The following PFKP variants were observed in gnomAD, a reference collection of about 807,000 sequenced individuals.
The protein encoded by PFKP is ATP-dependent 6-phosphofructokinase, platelet type.
PFKP carries 101 observed loss-of-function variants against 94.3 expected under a neutral mutation model. The ratio of observed to expected loss-of-function variants is 1.07; its 90% CI spans 0.91 to 1.26. PFKP has a LOEUF of 1.26. PFKP is among the 50% of genes most tolerant of loss of function. PFKP has a pLI of 0.00. For synonymous variants in PFKP, 573 were observed against 432.6 expected, an observed-to-expected ratio of 1.32 and a Z score of -4.03; for missense variants, 1,145 against 1,103.3, an observed-to-expected ratio of 1.04 and a Z score of -0.53.
intron 2 of PFKP, among the ~76,000 whole-genome samples, chr10:3,097,142 C>T (rs1462055244): frequency 6.7e-6 from 1 of 150,356 alleles, no homozygotes; most frequent in Non-Finnish European, 1.5e-5. Flanking sequence ...ACTGCAACCC[C>T]AAGGCTAGGT....
intron 16 of PFKP, chr10:3,125,373 T>G (rs1837841707): frequency 1.4e-6 from 1 of 718,316 alleles, no homozygotes; most frequent in Non-Finnish European, 1.9e-6. Context: ...CTTGGCTTTA[T>G]GTCACACTGG....
In PFKP at chr10:3,103,901, A is replaced by G; in HGVS notation, c.577A>G (p.Arg193Gly). Residue 193 changes from arginine to glycine, a missense_variant, in exon 5 of 22, where the codon AGG becomes GGG. Around this residue, in one of 3 missense-constraint regions of PFKP, gnomAD observed 1,119 missense variants for 1,062.8 expected, o/e 1.05. Coordinates refer to ENST00000381125, the MANE Select transcript of PFKP (RefSeq NM_002627.5). Reference sequence around the variant, plus strand: ...CATCGGCACGGACTCCGCCCTGCACAGGATCATCGAGGTCGTCGACGCCAT... The same window carrying G: ...CATCGGCACGGACTCCGCCCTGCACGGGATCATCGAGGTCGTCGACGCCAT... The part of the protein sequence containing the change: ...MTIGTDSALH[R>G]IIEVVDAIMT... 6.2e-7 allele frequency: 1 copy of G among 1,613,906 alleles called. No individual in the cohort carries two copies. Among genetic ancestry groups the G allele is most frequent in the East Asian group, 2.2e-5 (1 of 44,862 alleles).
In PFKP at chr10:3,133,248, G is replaced by A; in HGVS notation, c.1956G>A (p.Gln652=). ...SENYTTDFIY[Q]LYSEEGKGVF... ...ACTACACCACCGACTTCATTTACCA[G>A]CTGTATTCAGAAGAGGGCAAAGGCG... Residue 652 remains glutamine, a synonymous_variant, in exon 19 of 22, where the codon CAG becomes CAA. Transcript: ENST00000381125. The A allele has an allele frequency of 1.2e-6, 2 of 1,614,104 alleles. No homozygotes were observed.
chr10:3,118,619 C>T (rs1301240054), intron 14 of PFKP, among the ~76,000 whole-genome samples, 163 bp from the exon 15 acceptor site: 14 of 152,232 alleles, frequency 9.2e-5, no homozygotes, highest in Admixed American at 9.2e-4. Flanking sequence ...GGTCATTCTG[C>T]CATCTGCCAG....
chr10:3,136,411 G>C (rs1839354321), intron 21 of PFKP, 39 bp from the exon 22 acceptor site: 2 of 1,606,226 alleles, frequency 1.2e-6, no homozygotes, highest in African/African-American at 1.3e-5. Context: ...TCCCGCCAGT[G>C]ACTGCAGGCC....
intron 1 of PFKP, among the ~76,000 whole-genome samples, chr10:3,078,036 C>A (rs1832751486): frequency 6.6e-6 from 1 of 152,192 alleles, no homozygotes; most frequent in Admixed American, 6.5e-5. Context: ...GCTCCCAAAA[C>A]CAAAACAAAA....
chr10:3,093,005 C>T (rs1422373511), intron 2 of PFKP, among the ~76,000 whole-genome samples: 1 of 135,554 alleles, frequency 7.4e-6, no homozygotes, highest in East Asian at 2.1e-4. Flanking sequence ...GCCTGAGCTC[C>T]TGCTCCTGGG....
chr10:3,075,213 T>G (rs991996925), intron 1 of PFKP, among the ~76,000 whole-genome samples: 1 of 152,148 alleles, frequency 6.6e-6, no homozygotes, highest in Non-Finnish European at 1.5e-5. Context: ...ACCCACAACC[T>G]TCCAGCCTGG....
intron 1 of PFKP, among the ~76,000 whole-genome samples, chr10:3,081,653 G>A (rs951212258): frequency 6.6e-6 from 1 of 152,190 alleles, no homozygotes; most frequent in African/African-American, 2.4e-5. Context: ...AGACACTAGT[G>A]GCTTCAGCTC....
chr10:3,116,908 G>GGA lies in PFKP; in HGVS notation c.1442+67_1442+68dup. The GGA allele has an allele frequency of 2.3e-6, 3 of 1,303,328 alleles. No individual in the cohort carries two copies. The Admixed American group carries it at 5.0e-5, about 22-fold the overall frequency. The allele number at this position is 1,303,328 out of a possible 1,614,324, so 80.7% of individuals were successfully genotyped here. On this transcript the variant is annotated intron_variant, in intron 14 of 21. Coordinates refer to ENST00000381125, the MANE Select transcript of PFKP (RefSeq NM_002627.5). ...AGGAAGAAGGAAGAGCCGTGTTCTG[G>GGA]GAGAGAATCGCTGGGTGCCGACGCC...
intron 14 of PFKP, among the ~76,000 whole-genome samples, chr10:3,118,325 G>T (rs766537142): frequency 6.6e-6 from 1 of 152,046 alleles, no homozygotes; most frequent in East Asian, 1.9e-4. Context: ...AAAATTAGCC[G>T]GGCGTGGTGG....
At chr10:3,112,545 C>T (rs1836354292) in intron 11 of PFKP, among the ~76,000 whole-genome samples, 1 of 152,188 alleles carries the variant, frequency 6.6e-6, no homozygotes, top group African/African-American at 2.4e-5. Context: ...CACAAGGTGA[C>T]TTGTGGCCCT....
At position 3,126,096 on chromosome 10, in the gene PFKP, CCA is replaced by C. The variant is rs141364653; in HGVS notation, c.1684-3722_1684-3721del. ...GCTCCGGAGTTTGCAGTGAAAACTC[CCA>C]GTCCTGCTGGAGACTCCTTAGTTCA... On this transcript the variant is annotated intron_variant, in intron 16 of 21. Coordinates refer to ENST00000381125, the MANE Select transcript of PFKP (RefSeq NM_002627.5). 6.0e-3 allele frequency among the ~76,000 whole-genome samples: 918 copies of C among 152,330 alleles called. 6 individuals are homozygous for C. The highest frequency in any genetic ancestry group is 0.024 in the Middle Eastern group (7 of 294).
chr10:3,121,809 T>C (rs142692827), intron 16 of PFKP, among the ~76,000 whole-genome samples: 1,308 of 21,458 alleles, frequency 0.061, 101 homozygotes, highest in South Asian at 0.099. Flanking sequence ...TTTTCTTTTT[T>C]TTTTTTTTTT....
intron 1 of PFKP, among the ~76,000 whole-genome samples, chr10:3,072,372 C>T (rs771916073): frequency 6.6e-6 from 1 of 152,224 alleles, no homozygotes; most frequent in Admixed American, 6.5e-5. Flanking sequence ...ATGCTGGCTT[C>T]GGAGCCCAGT....
intron 2 of PFKP, among the ~76,000 whole-genome samples, chr10:3,086,983 GT>G (rs1303374997): frequency 1.3e-5 from 2 of 149,708 alleles, no homozygotes; most frequent in Non-Finnish European, 3.0e-5. Context: ...ATGTTTGTTT[GT>G]TTTTGAGACA....
At chr10:3,096,532 C>G (rs559228392) in intron 2 of PFKP, among the ~76,000 whole-genome samples, 2 of 152,188 alleles carry the variant, frequency 1.3e-5, no homozygotes, top group East Asian at 3.9e-4. Flanking sequence ...CAGTTCAGGC[C>G]CCATCATGGG....
At chr10:3,077,249 C>CTTTTTTTT (rs35306351) in intron 1 of PFKP, among the ~76,000 whole-genome samples, 11 of 108,140 alleles carry the variant, frequency 1.0e-4, no homozygotes, top group East Asian at 2.7e-4. Flanking sequence ...CTATTCTTTA[C>CTTTTTTTT]TTTTTTTTTT....
chr10:3,114,519 C>T (rs1303589835), intron 13 of PFKP, among the ~76,000 whole-genome samples: 6 of 152,358 alleles, frequency 3.9e-5, no homozygotes, highest in South Asian at 2.1e-4. Flanking sequence ...TCTCTGGTTC[C>T]GTGGAGACTG....
Sources: gnomAD v4.1 joint callset for allele counts (sites outside exome capture counted in the v4.1 genomes callset) on GRCh38, gnomAD v4.1.1 for gene constraint, gnomAD v4.1.1 regional missense constraint, MANE v1.5 for transcripts, NCBI Gene and HGNC (gene_info 2026-07-23, HGNC 2026-07-21) for gene names.